ADA2: variants seen among roughly 807,000 people sequenced by gnomAD.
ADA2 encodes adenosine deaminase 2, also known as adenosine deaminase CECR1.
A neutral mutation model predicts 44.2 loss-of-function variants in ADA2; 29 were observed. The ratio of observed to expected loss-of-function variants is 0.66; its 90% confidence interval spans 0.49 to 0.89. ADA2 has a LOEUF of 0.89. Ranked by LOEUF, ADA2 falls within the 40% of genes least tolerant of loss-of-function variation. ADA2 has a pLI of 0.00. For missense variants in ADA2, 637 were observed against 644.8 expected, an observed-to-expected ratio of 0.99 and a Z score of 0.13; for synonymous variants, 215 against 234.9, an observed-to-expected ratio of 0.92 and a Z score of 0.77.
chr22:17,206,283 C>T (rs1167631197), intron 3 of ADA2, among the ~76,000 whole-genome samples: 9 of 152,026 alleles, frequency 5.9e-5, no homozygotes, highest in African/African-American at 2.2e-4. Flanking sequence ...ATGGTGAAAC[C>T]CTGTCTCTAC....
chr22:17,199,833 CTTTGGG>C lies in ADA2; in HGVS notation c.753+3724_753+3729del, dbSNP rs1320783770. The C allele has an allele frequency of 0.013, 15,827 of 1,195,866 alleles. 1,564 individuals are homozygous for C. The African/African-American group carries it at 0.22, about 17-fold the overall frequency. The allele number at this position is 1,195,866 out of a possible 1,614,324, so 74.1% of individuals were successfully genotyped here. ...ATGGCTCGCGTCTGTAATCCTAGTACTTTGGGAGGCCGACGTGGGTGTATTTGCCTG... is the reference window on the plus strand; with the variant it reads ...ATGGCTCGCGTCTGTAATCCTAGTACAGGCCGACGTGGGTGTATTTGCCTG... On this transcript the variant is annotated intron_variant, in intron 4 of 9. Coordinates refer to ENST00000399837, the MANE Select transcript of ADA2 (RefSeq NM_001282225.2).
chr22:17,202,911 T>C lies in ADA2; in HGVS notation c.753+652A>G, dbSNP rs13433678. On this transcript the variant is annotated intron_variant, in intron 4 of 9. Transcript: ENST00000399837. ...TGTTCTCCTGCCTCAGCCTCCCGAG[T>C]AGCTGGGACTACAGGCTCATGCCCG... Among the ~76,000 whole-genome samples, 1,138 of 151,926 alleles carry C rather than the reference T, an allele frequency of 7.5e-3. 12 individuals carry two copies. The highest frequency in any genetic ancestry group is 0.026 in the African/African-American group (1,093 of 41,430).
At chr22:17,188,018 C>G (rs1363051680) in intron 7 of ADA2, among the ~76,000 whole-genome samples, 4 of 151,244 alleles carry the variant, frequency 2.6e-5, no homozygotes, top group East Asian at 2.0e-4. Flanking sequence ...GCAGGAGACT[C>G]TCTTGAACCT....
chr22:17,183,844 G>T (rs1179543134), intron 7 of ADA2, among the ~76,000 whole-genome samples: 5 of 151,528 alleles, frequency 3.3e-5, no homozygotes, highest in Non-Finnish European at 5.9e-5. Flanking sequence ...ACCTGTATGT[G>T]CTCACTTTAA....
rs554167338 is a variant in ADA2, at chr22:17,190,119, C to A, written c.882-87G>T. Reference sequence around the variant, plus strand: ...AGCACACCCTCCGTGCAGGGCTGGGCCAGCCCCAAGTGTGCAGGTCCCGTT... The same window carrying A: ...AGCACACCCTCCGTGCAGGGCTGGGACAGCCCCAAGTGTGCAGGTCCCGTT... On this transcript the variant is annotated intron_variant, in intron 5 of 9. Transcript: ENST00000399837. 3.2e-3 allele frequency: 3,468 copies of A among 1,097,076 alleles called. 20 individuals carry two copies. The highest frequency in any genetic ancestry group is 3.4e-3 in the Non-Finnish European group (2,493 of 724,150). The allele number at this position is 1,097,076 out of a possible 1,614,324, so 68.0% of individuals were successfully genotyped here.
At chr22:17,196,817 T>C (rs1004524166) in intron 4 of ADA2, among the ~76,000 whole-genome samples, 17 of 152,072 alleles carry the variant, frequency 1.1e-4, no homozygotes, top group African/African-American at 4.1e-4. Context: ...GCCAGCAGAA[T>C]AGAAGGGAGA....
intron 4 of ADA2, 142 bp downstream of exon 4, chr22:17,203,421 G>C (rs1012144194): frequency 4.5e-6 from 3 of 673,180 alleles, no homozygotes; most frequent in Non-Finnish European, 7.8e-6. Flanking sequence ...CCTTGCTCAT[G>C]TTGGCCCCTG....
At chr22:17,219,863 A>G (rs1420142726), upstream of ADA2, among the ~76,000 whole-genome samples, 1 of 151,740 alleles carries the variant, frequency 6.6e-6, no homozygotes, top group African/African-American at 2.4e-5. Flanking sequence ...TTTAGTAGAA[A>G]TGGGGTTTCA....
intron 1 of ADA2, among the ~76,000 whole-genome samples, chr22:17,216,470 T>G (rs139480349): frequency 1.4e-3 from 209 of 152,110 alleles, no homozygotes; most frequent in African/African-American, 4.8e-3. Context: ...ATTATGTATA[T>G]TTCAGAGTAA....
In ADA2 at chr22:17,181,974, T is replaced by G; in HGVS notation, c.1288A>C (p.Met430Leu). ...DLRNHPVATL[M>L]ATGHPMVISS... ...ATCACCATGGGGTGCCCAGTGGCCA[T>G]CAGAGTGGCTACAGGGTGGTTCCTC... The change falls in exon 9 of 10, where the codon ATG (methionine) becomes CTG (leucine). Residue 430 changes from methionine to leucine, a missense_variant. Physicochemically the swap from Met to Leu is conservative, Grantham distance 15. Coordinates refer to ENST00000399837, the MANE Select transcript of ADA2 (RefSeq NM_001282225.2). The G allele has an allele frequency of 6.2e-7, 1 of 1,614,142 alleles. No homozygotes were observed.
rs372852468 is a variant in ADA2, at chr22:17,209,678, C to G, written c.-1G>C. ...GCTCAGATGGGCCATCCACCAACAT[C>G]GGGATGCCTGGACTAGGAAAGGGCT... On this transcript the variant is annotated 5_prime_UTR_variant, in exon 2 of 10. Transcript: ENST00000399837. 14 of 1,610,236 alleles carry G rather than the reference C, an allele frequency of 8.7e-6. No individual in the cohort carries two copies. Among genetic ancestry groups the G allele is most frequent in the Non-Finnish European group, 9.3e-6 (11 of 1,178,706 alleles).
At chr22:17,204,020 G>A (rs947380219) in intron 3 of ADA2, among the ~76,000 whole-genome samples, 1 of 152,042 alleles carries the variant, frequency 6.6e-6, no homozygotes, top group African/African-American at 2.4e-5. Flanking sequence ...CTTAAGATGA[G>A]AGCTCACCAG....
chr22:17,196,141 G>A (rs1400162834), intron 4 of ADA2, among the ~76,000 whole-genome samples: 4 of 151,136 alleles, frequency 2.6e-5, no homozygotes, highest in Non-Finnish European at 5.9e-5. Flanking sequence ...GATGTCAGTT[G>A]ACCAGCCTGG....
Position 17,181,586 on chromosome 22 carries a change from G to A in ADA2, c.1443-10C>T. 6.3e-7 allele frequency: 1 copy of A among 1,584,548 alleles called. No homozygotes were observed. ...CAACAGGGTACTGTACCTGCAGGAA[G>A]AGGAGGAGCCCAGGTCAGCCTCAGG... is the stretch of plus-strand genomic sequence containing the variant. On this transcript the variant is annotated splice_polypyrimidine_tract_variant and intron_variant, in intron 9 of 9. Coordinates refer to ENST00000399837, the MANE Select transcript of ADA2 (RefSeq NM_001282225.2).
At chr22:17,187,718 C>T (rs1261549529) in intron 7 of ADA2, among the ~76,000 whole-genome samples, 9 of 151,202 alleles carry the variant, frequency 6.0e-5, no homozygotes, top group African/African-American at 9.7e-5. Flanking sequence ...GACTCCACTG[C>T]GCACCAGCTC....
At chr22:17,201,224 G>A (rs1356206849) in intron 4 of ADA2, among the ~76,000 whole-genome samples, 1 of 151,636 alleles carries the variant, frequency 6.6e-6, no homozygotes, top group Non-Finnish European at 1.5e-5. Context: ...AGAAGAAGAA[G>A]AAAGAAAAGA....
In ADA2 at chr22:17,199,992, C is replaced by T. The variant is rs112091075; in HGVS notation, c.753+3571G>A. Among the ~76,000 whole-genome samples, 387 of 152,120 alleles carry T rather than the reference C, an allele frequency of 2.5e-3. 1 individual carries two copies. The highest frequency in any genetic ancestry group is 8.7e-3 in the African/African-American group (361 of 41,512). ...GGTGGATCACTTGAGGTCGTGAGTTCGAAACCAGCCTGGCCAATATGGTGA... is the reference window on the plus strand; with the variant it reads ...GGTGGATCACTTGAGGTCGTGAGTTTGAAACCAGCCTGGCCAATATGGTGA... On this transcript the variant is annotated intron_variant, in intron 4 of 9. Coordinates refer to ENST00000399837, the MANE Select transcript of ADA2 (RefSeq NM_001282225.2).
chr22:17,182,466 C>T, intron 8 of ADA2, 138 bp downstream of exon 8: 1 of 882,242 alleles, frequency 1.1e-6, no homozygotes. Flanking sequence ...AATAACTTTA[C>T]TAACAGGGGT....
intron 4 of ADA2, chr22:17,199,421 C>CCTCCCCTCCTCTATCCTCTTCCCCTCA: frequency 1.1e-6 from 1 of 949,100 alleles, no homozygotes; most frequent in African/African-American, 1.6e-5. Context: ...GCGTCTCCTC[C>CCTCCCCTCCTCTATCCTCTTCCCCTCA]CTCCCCTCCT....
Sources: gnomAD v4.1 joint callset for allele counts (sites outside exome capture counted in the v4.1 genomes callset) on GRCh38, gnomAD v4.1.1 for gene constraint, MANE v1.5 for transcripts, NCBI Gene and HGNC (gene_info 2026-07-23, HGNC 2026-07-21) for gene names.